Variants in KHDC3L observed in about 807,000 individuals in gnomAD.
The protein encoded by KHDC3L is KH domain-containing protein 3.
In KHDC3L, 6 loss-of-function variants were observed where a neutral mutation model predicts 11.4. That is an observed-to-expected ratio of 0.52 (90% CI 0.29 to 1.03). KHDC3L has a LOEUF of 1.03. Among genes scored for constraint, KHDC3L ranks in the 50% least tolerant of loss-of-function variants. The probability of loss-of-function intolerance (pLI) is 0.09; values close to 1 mark genes in which losing one functional copy is unlikely to be tolerated. For missense variants in KHDC3L, 293 were observed against 290.4 expected, an observed-to-expected ratio of 1.01 and a Z score of -0.07; for synonymous variants, 127 against 120.9, an observed-to-expected ratio of 1.05 and a Z score of -0.33.
In KHDC3L at chr6:73,364,043, C is replaced by G. The variant is rs923418459; in HGVS notation, c.*183C>G. On this transcript the variant is annotated 3_prime_UTR_variant, in exon 3 of 3. Coordinates refer to ENST00000370367, the MANE Select transcript of KHDC3L (RefSeq NM_001017361.3). Reference sequence around the variant, plus strand: ...CAAAGTGGAAGCCCGCCCCCCGCCTCCCCCCCGCCTCACTTAAGTCCAGGA... The same window carrying G: ...CAAAGTGGAAGCCCGCCCCCCGCCTGCCCCCCGCCTCACTTAAGTCCAGGA... The G allele has an allele frequency of 1.5e-6, 1 of 652,528 alleles. No homozygotes were observed. Among genetic ancestry groups the G allele is most frequent in the Admixed American group, 2.4e-5 (1 of 41,516 alleles). 40.4% of individuals were successfully genotyped at this position (652,528 alleles called of 1,614,324 possible). A position where few individuals can be genotyped will look rare whatever the true frequency, so the allele number is the denominator to read the frequency against.
Position 73,363,737 on chromosome 6 carries a change from C to G in KHDC3L, c.531C>G (p.Ala177=), listed in dbSNP as rs61746688. The G allele has an allele frequency of 1.4e-3, 2,231 of 1,613,678 alleles. 16 individuals are homozygous for G. The African/African-American group carries it at 0.021, about 15-fold the overall frequency. The change falls in exon 3 of 3, where the codon GCC becomes GCG. Residue 177 remains alanine, a synonymous_variant. Transcript: ENST00000370367. Reference sequence around the variant, plus strand: ...GTTCTCCGGTGGAGGTGCAGGAGGCCGGGACCCAGCAGTCTCTCCAGGCTG... The same window carrying G: ...GTTCTCCGGTGGAGGTGCAGGAGGCGGGGACCCAGCAGTCTCTCCAGGCTG... The part of the protein sequence containing the change: ...TQGSPVEVQE[A]GTQQSLQAAN...
At chr6:73,363,535 T>C in intron 2 of KHDC3L, 21 bp from the exon 3 acceptor site, 1 of 1,602,540 alleles carries the variant, frequency 6.2e-7, no homozygotes, top group Middle Eastern at 1.7e-4. Flanking sequence ...CTGTGGCCTC[T>C]GCACACTGCT....
At position 73,363,941 on chromosome 6, in the gene KHDC3L, G is replaced by A. The variant is rs1490636395; in HGVS notation, c.*81G>A. Reference sequence around the variant, plus strand: ...TTTCCGCCCAGAAGCTGGGGTTGGGGAGAGGATGTGGATTTTTTGTTTTAC... The same window carrying A: ...TTTCCGCCCAGAAGCTGGGGTTGGGAAGAGGATGTGGATTTTTTGTTTTAC... On this transcript the variant is annotated 3_prime_UTR_variant, in exon 3 of 3. Coordinates refer to ENST00000370367, the MANE Select transcript of KHDC3L (RefSeq NM_001017361.3). The A allele has an allele frequency of 4.2e-6, 6 of 1,443,616 alleles. No homozygotes were observed. The highest frequency in any genetic ancestry group is 4.0e-4 in the Middle Eastern group (2 of 4,982). The allele number at this position is 1,443,616 out of a possible 1,614,324, so 89.4% of individuals were successfully genotyped here. A position where few individuals can be genotyped will look rare whatever the true frequency, so the allele number is the denominator to read the frequency against.
In KHDC3L at chr6:73,363,862, G is replaced by A. The variant is rs1489067451; in HGVS notation, c.*2G>A. Reference sequence around the variant, plus strand: ...CGGGACCCAGTTACTAGATTATGAAGGCATCTCAGGCCCTGGAGCCAGAGC... The same window carrying A: ...CGGGACCCAGTTACTAGATTATGAAAGCATCTCAGGCCCTGGAGCCAGAGC... On this transcript the variant is annotated 3_prime_UTR_variant, in exon 3 of 3. Transcript: ENST00000370367. The A allele has an allele frequency of 6.2e-7, 1 of 1,607,088 alleles. No individual in the cohort carries two copies. The highest frequency in any genetic ancestry group is 8.5e-7 in the Non-Finnish European group (1 of 1,179,948).
At position 73,363,988 on chromosome 6, in the gene KHDC3L, A is replaced by C; in HGVS notation, c.*128A>C. On this transcript the variant is annotated 3_prime_UTR_variant, in exon 3 of 3. Coordinates refer to ENST00000370367, the MANE Select transcript of KHDC3L (RefSeq NM_001017361.3). ...TTACCCTTTCTGTTGCATGGTTGCA[A>C]ACACAAACTTGAGTTCTAATAAAGA... 1.0e-6 allele frequency: 1 copy of C among 1,000,732 alleles called. No homozygotes were observed. The highest frequency in any genetic ancestry group is 1.4e-5 in the South Asian group (1 of 72,356). 62.0% of individuals were successfully genotyped at this position (1,000,732 alleles called of 1,614,324 possible).
chr6:73,362,917 G>A lies in KHDC3L; in HGVS notation c.169+19G>A, dbSNP rs1272638553. The A allele has an allele frequency of 3.1e-6, 5 of 1,614,026 alleles. No homozygotes were observed. The highest frequency in any genetic ancestry group is 3.4e-6 in the Non-Finnish European group (4 of 1,179,960). On this transcript the variant is annotated intron_variant, in intron 1 of 2. Transcript: ENST00000370367. Reference sequence around the variant, plus strand: ...ATCTTCGGTGAGTGGACCAAGAAGGGGCAGCCCCCATGCGGCTTCTTTCTG... The same window carrying A: ...ATCTTCGGTGAGTGGACCAAGAAGGAGCAGCCCCCATGCGGCTTCTTTCTG...
At position 73,363,942 on chromosome 6, in the gene KHDC3L, A is replaced by C; in HGVS notation, c.*82A>C. 3 of 1,445,448 alleles carry C rather than the reference A, an allele frequency of 2.1e-6. No homozygotes were observed. The highest frequency in any genetic ancestry group is 2.9e-6 in the Non-Finnish European group (3 of 1,048,134). 89.5% of individuals were successfully genotyped at this position (1,445,448 alleles called of 1,614,324 possible). On this transcript the variant is annotated 3_prime_UTR_variant, in exon 3 of 3. Coordinates refer to ENST00000370367, the MANE Select transcript of KHDC3L (RefSeq NM_001017361.3). ...TTCCGCCCAGAAGCTGGGGTTGGGG[A>C]GAGGATGTGGATTTTTTGTTTTACC...
chr6:73,363,623 A>G lies in KHDC3L; in HGVS notation c.417A>G (p.Glu139=). 1 of 1,613,490 alleles carries G rather than the reference A, an allele frequency of 6.2e-7. No individual in the cohort carries two copies. The highest frequency in any genetic ancestry group is 8.5e-7 in the Non-Finnish European group (1 of 1,179,958). The stretch of plus-strand genomic sequence containing the variant: ...CCGAGACCCAGCGGTCTTCAATAGA[A>G]GTCCGGGAGGCCGGGACGCAGCGTT... ...QKAETQRSSI[E]VREAGTQRSV... is the part of the protein sequence containing the mutation. The change falls in exon 3 of 3, where the codon GAA becomes GAG. Residue 139 remains glutamate (E), a synonymous_variant. Transcript: ENST00000370367.
In KHDC3L at chr6:73,362,704, T is replaced by C; in HGVS notation, c.-26T>C. On this transcript the variant is annotated 5_prime_UTR_variant, in exon 1 of 3. Transcript: ENST00000370367. ...GGCCTTTGGGTTTGCTGTGGTGTCC[T>C]TGTCTCCTGCAGGACCGGCCGCAGC... The C allele has an allele frequency of 6.2e-7, 1 of 1,613,252 alleles. No homozygotes were observed. The highest frequency in any genetic ancestry group is 8.5e-7 in the Non-Finnish European group (1 of 1,179,662).
Position 73,363,148 on chromosome 6 carries a change from C to T in KHDC3L, c.223C>T (p.His75Tyr). 6.2e-7 allele frequency: 1 copy of T among 1,614,210 alleles called. No homozygotes were observed. The highest frequency in any genetic ancestry group is 8.5e-7 in the Non-Finnish European group (1 of 1,180,040). ...CCAGGGTATGTCCCAAATCTTGATTCACGTGAATCGATTGGACCCTAACGG... is the reference window on the plus strand; with the variant it reads ...CCAGGGTATGTCCCAAATCTTGATTTACGTGAATCGATTGGACCCTAACGG... The part of the protein sequence containing the change: ...HVQGMSQILI[H>Y]VNRLDPNGEA... The change falls in exon 2 of 3, where the codon CAC becomes TAC. Residue 75 changes from histidine (H) to tyrosine (Y), a missense_variant. Physicochemically the swap from His to Tyr is moderately conservative, Grantham distance 83. Transcript: ENST00000370367.
chr6:73,363,638 G>A lies in KHDC3L; in HGVS notation c.432G>A (p.Gly144=). The A allele has an allele frequency of 1.2e-6, 2 of 1,613,206 alleles. No individual in the cohort carries two copies. The highest frequency in any genetic ancestry group is 1.7e-6 in the Non-Finnish European group (2 of 1,179,436). ...CTTCAATAGAAGTCCGGGAGGCCGG[G>A]ACGCAGCGTTCGGTGGAGGTCCGGG... is the stretch of plus-strand genomic sequence containing the variant. The part of the protein sequence containing the change: ...QRSSIEVREA[G]TQRSVEVREA... Residue 144 remains glycine, a synonymous_variant, in exon 3 of 3, where the codon GGG becomes GGA. Coordinates refer to ENST00000370367, the MANE Select transcript of KHDC3L (RefSeq NM_001017361.3).
rs1019090995 is a variant in KHDC3L, at chr6:73,363,923, C to G, written c.*63C>G. ...TTAAAGTGAAAGCCCGTATTTCCGC[C>G]CAGAAGCTGGGGTTGGGGAGAGGAT... On this transcript the variant is annotated 3_prime_UTR_variant, in exon 3 of 3. Coordinates refer to ENST00000370367, the MANE Select transcript of KHDC3L (RefSeq NM_001017361.3). The G allele has an allele frequency of 5.9e-5, 91 of 1,548,390 alleles. No homozygotes were observed. Among genetic ancestry groups the G allele is most frequent in the Non-Finnish European group, 4.0e-5 (45 of 1,134,988 alleles).
In KHDC3L at chr6:73,362,746, G is replaced by A; in HGVS notation, c.17G>A (p.Arg6Gln). The change falls in exon 1 of 3, where the codon CGG (arginine) becomes CAG (glutamine). Residue 6 changes from arginine to glutamine, a missense_variant. Transcript: ENST00000370367. The stretch of plus-strand genomic sequence containing the variant: ...GGCCGCAGCATGGACGCTCCCAGGC[G>A]GTTTCCGACGCTCGTGCAACTGATG... MDAPRRFPTLVQLMQP... is the reference protein window; with the variant it reads MDAPRQFPTLVQLMQP... The A allele has an allele frequency of 6.2e-7, 1 of 1,614,162 alleles. No individual in the cohort carries two copies. Among genetic ancestry groups the A allele is most frequent in the Non-Finnish European group, 8.5e-7 (1 of 1,180,024 alleles).
Position 73,363,095 on chromosome 6 carries a change from G to T in KHDC3L, c.170G>T (p.Gly57Val). 1 of 1,613,980 alleles carries T rather than the reference G, an allele frequency of 6.2e-7. No individual in the cohort carries two copies. Among genetic ancestry groups the T allele is most frequent in the South Asian group, 1.1e-5 (1 of 91,074 alleles). Reference sequence around the variant, plus strand: ...CACAGCCTCTCTGCTACCCGCGCAGGCCGGGGCGGAGAACGCATCCCGCAC... The same window carrying T: ...CACAGCCTCTCTGCTACCCGCGCAGTCCGGGGCGGAGAACGCATCCCGCAC... ...LEVWLVEKIFGRGGERIPHVQ... is the reference protein window; with the variant it reads ...LEVWLVEKIFVRGGERIPHVQ... The change falls in exon 2 of 3, where the codon GGC becomes GTC. Residue 57 changes from glycine (G) to valine (V), a missense_variant and splice_region_variant. By Grantham distance (109) the Gly-to-Val change is moderately radical. Coordinates refer to ENST00000370367, the MANE Select transcript of KHDC3L (RefSeq NM_001017361.3).
At position 73,362,820 on chromosome 6, in the gene KHDC3L, T is replaced by C. The variant is rs11757433; in HGVS notation, c.91T>C (p.Phe31Leu). The change falls in exon 1 of 3, where the codon TTC becomes CTC. Residue 31 changes from phenylalanine to leucine, a missense_variant. Physicochemically the swap from Phe to Leu is conservative, Grantham distance 22. Coordinates refer to ENST00000370367, the MANE Select transcript of KHDC3L (RefSeq NM_001017361.3). ...GGTGCTCGGTCACCTCCCTAAGCGGTTCTCCTGGTTCCACTCTGAGTTCCT... is the reference window on the plus strand; with the variant it reads ...GGTGCTCGGTCACCTCCCTAAGCGGCTCTCCTGGTTCCACTCTGAGTTCCT... ...VEVLGHLPKR[F>L]SWFHSEFLKN... 1 of 1,614,114 alleles carries C rather than the reference T, an allele frequency of 6.2e-7. No homozygotes were observed. Among genetic ancestry groups the C allele is most frequent in the Non-Finnish European group, 8.5e-7 (1 of 1,180,014 alleles).
rs992667093 is a variant in KHDC3L, at chr6:73,362,778, A to G, written c.49A>G (p.Lys17Glu). The change falls in exon 1 of 3, where the codon AAA becomes GAA. Residue 17 changes from lysine to glutamate, a missense_variant. By Grantham distance (56) the Lys-to-Glu change is moderately conservative. Transcript: ENST00000370367. The part of the protein sequence containing the change: ...FPTLVQLMQP[K>E]AMPVEVLGHL... The stretch of plus-strand genomic sequence containing the variant: ...GACGCTCGTGCAACTGATGCAGCCA[A>G]AAGCAATGCCAGTGGAGGTGCTCGG... 1.7e-5 allele frequency: 27 copies of G among 1,614,188 alleles called. No individual in the cohort carries two copies. The highest frequency in any genetic ancestry group is 2.3e-5 in the Non-Finnish European group (27 of 1,180,024).
Position 73,364,048 on chromosome 6 carries a change from C to T in KHDC3L, c.*188C>T, listed in dbSNP as rs979383209. 1.2e-5 allele frequency: 8 copies of T among 658,522 alleles called. No homozygotes were observed. The highest frequency in any genetic ancestry group is 3.6e-5 in the African/African-American group (2 of 55,590). 40.8% of individuals were successfully genotyped at this position (658,522 alleles called of 1,614,324 possible). The stretch of plus-strand genomic sequence containing the variant: ...TGGAAGCCCGCCCCCCGCCTCCCCC[C>T]CGCCTCACTTAAGTCCAGGAAGCTG... On this transcript the variant is annotated 3_prime_UTR_variant, in exon 3 of 3. Transcript: ENST00000370367.
intron 1 of KHDC3L, 60 bp downstream of exon 1, chr6:73,362,958 G>C (rs9446890): frequency 0.39 from 626,643 of 1,608,300 alleles, 123,602 homozygotes; most frequent in Admixed American, 0.51. Flanking sequence ...CATACCCACA[G>C]CCCACATATT....
chr6:73,362,783 A>G lies in KHDC3L; in HGVS notation c.54A>G (p.Ala18=). ...TCGTGCAACTGATGCAGCCAAAAGC[A>G]ATGCCAGTGGAGGTGCTCGGTCACC... ...PTLVQLMQPK[A]MPVEVLGHLP... Residue 18 remains alanine (A), a synonymous_variant, in exon 1 of 3, where the codon GCA becomes GCG. Coordinates refer to ENST00000370367, the MANE Select transcript of KHDC3L (RefSeq NM_001017361.3). 6.2e-7 allele frequency: 1 copy of G among 1,614,124 alleles called. No homozygotes were observed. The highest frequency in any genetic ancestry group is 8.5e-7 in the Non-Finnish European group (1 of 1,179,968).
Sources: allele counts gnomAD v4.1 joint callset, GRCh38; gene constraint gnomAD v4.1.1; transcripts MANE v1.5; gene names NCBI Gene and HGNC (gene_info 2026-07-23, HGNC 2026-07-21).